Variants in NOS1 observed in about 807,000 individuals in gnomAD.
The protein encoded by NOS1 is NOS type I.
In NOS1, 51 loss-of-function variants were observed where a neutral mutation model predicts 164.5. The ratio of observed to expected loss-of-function variants is 0.31; its 90% CI spans 0.25 to 0.39. NOS1 has a LOEUF of 0.39. Ranked by LOEUF, NOS1 falls within the 10% of genes least tolerant of loss-of-function variation. The pLI is 1.00. For missense variants in NOS1, 1,362 were observed against 1,885.6 expected (o/e 0.72, Z 5.14); for synonymous variants, 719 against 745.8 (o/e 0.96, Z 0.59).
chr12:117,283,056 A>ATATATTTTT (rs1360367568), intron 7 of NOS1, among the ~76,000 whole-genome samples: 1 of 92,954 alleles, frequency 1.1e-5, no homozygotes, highest in African/African-American at 3.6e-5. Context: ...ATATATATAT[A>ATATATTTTT]TTTTTTTTTT....
rs1956581099 is a variant in NOS1, at chr12:117,214,892, A to T, written c.*417T>A. On this transcript the variant is annotated 3_prime_UTR_variant, in exon 29 of 29. Coordinates refer to ENST00000317775, the MANE Select transcript of NOS1 (RefSeq NM_000620.5). ...AGGCACGCACAACCAAAATGTCATC[A>T]TAAAAAAGGAGAAAGGGGGACTTCA... is the stretch of plus-strand genomic sequence containing the variant. 2 of 999,114 alleles carry T rather than the reference A, an allele frequency of 2.0e-6. No individual in the cohort carries two copies. Among genetic ancestry groups the T allele is most frequent in the African/African-American group, 3.5e-5 (2 of 57,692 alleles). 61.9% of individuals were successfully genotyped at this position (999,114 alleles called of 1,614,324 possible).
chr12:117,209,213 A>G lies in NOS1; in HGVS notation c.*6096T>C. The G allele has an allele frequency of 1.0e-6, 1 of 985,362 alleles. No homozygotes were observed. The highest frequency in any genetic ancestry group is 1.2e-6 in the Non-Finnish European group (1 of 829,878). The allele number at this position is 985,362 out of a possible 1,614,324, so 61.0% of individuals were successfully genotyped here. A position where few individuals can be genotyped will look rare whatever the true frequency, so the allele number is the denominator to read the frequency against. ...GATTCTCTTGACCCTGAAGTCCAAG[A>G]GAGGGGTGTTGCCCCCTGGGGACAT... On this transcript the variant is annotated 3_prime_UTR_variant, in exon 29 of 29. Transcript: ENST00000317775.
At chr12:117,281,313 T>C (rs900499264) in intron 7 of NOS1, among the ~76,000 whole-genome samples, 1 of 130,664 alleles carries the variant, frequency 7.7e-6, no homozygotes, top group Non-Finnish European at 1.7e-5. Flanking sequence ...GGAAGTCAGG[T>C]GTTTGAGACC....
In NOS1 at chr12:117,272,391, G is replaced by A. The variant is rs1413071013; in HGVS notation, c.1833C>T (p.Ile611=). ...RDYCDNSRYN[I]LEEVAKKMNL... Reference sequence around the variant, plus strand: ...GACCAGAGAGGGCCCTTACCTCCAGGATATTGTAGCGGGAGTTGTCACAGT... The same window carrying A: ...GACCAGAGAGGGCCCTTACCTCCAGAATATTGTAGCGGGAGTTGTCACAGT... Residue 611 remains isoleucine, a synonymous_variant, in exon 10 of 29, where the codon ATC becomes ATT. Transcript: ENST00000317775. This position sits in a 1 kb window ranked among gnomAD's most constrained non-coding sequence, Gnocchi z 4.3. 6.2e-7 allele frequency: 1 copy of A among 1,614,140 alleles called. No homozygotes were observed. Among genetic ancestry groups the A allele is most frequent in the Non-Finnish European group, 8.5e-7 (1 of 1,180,010 alleles).
intron 10 of NOS1, among the ~76,000 whole-genome samples, chr12:117,271,305 A>C (rs1872771282): frequency 6.8e-6 from 1 of 147,462 alleles, no homozygotes. Context: ...TGAGATGGAG[A>C]CTCGCTCTGT....
intron 9 of NOS1, among the ~76,000 whole-genome samples, chr12:117,276,503 G>C (rs1329498957): frequency 2.0e-5 from 3 of 152,096 alleles, no homozygotes; most frequent in Non-Finnish European, 4.4e-5. Flanking sequence ...GGCTGGCCTT[G>C]AACTCTTGAC....
chr12:117,259,777 C>T (rs994316383), intron 14 of NOS1, among the ~76,000 whole-genome samples: 6 of 152,164 alleles, frequency 3.9e-5, no homozygotes, highest in African/African-American at 1.4e-4. Flanking sequence ...GAGATTAGAA[C>T]ACATGCTTAT....
Position 117,215,156 on chromosome 12 carries a change from A to G in NOS1, c.*153T>C. On this transcript the variant is annotated 3_prime_UTR_variant, in exon 29 of 29. Transcript: ENST00000317775. ...GAGTAAACCCAGGAGGGCCGAGGAA[A>G]CCACTGAGGGGCGAGAAGCCCGAGG... 6.0e-6 allele frequency: 8 copies of G among 1,323,688 alleles called. No homozygotes were observed. In the South Asian group the frequency reaches 2.4e-4, roughly 39 times the overall value. 82.0% of individuals were successfully genotyped at this position (1,323,688 alleles called of 1,614,324 possible). A position where few individuals can be genotyped will look rare whatever the true frequency, so the allele number is the denominator to read the frequency against.
At chr12:117,347,022 C>A (rs1257125631) in intron 1 of NOS1, among the ~76,000 whole-genome samples, 1 of 152,046 alleles carries the variant, frequency 6.6e-6, no homozygotes, top group Non-Finnish European at 1.5e-5. Flanking sequence ...CATGGTGGCT[C>A]ACACCTGTAA....
rs774868068 is a variant in NOS1 at position 117,285,299 on chromosome 12, C to T, written c.1324G>A (p.Gly442Arg). ...TGGTTACAGATGTAGTTGAACATCC[C>T]GTGGGCCGTGGTGCAGTCACGGGCA... ...FDARDCTTAHGMFNYICNHVK... is the reference protein window; with the variant it reads ...FDARDCTTAHRMFNYICNHVK... The change falls in exon 7 of 29, where the codon GGG (glycine) becomes AGG (arginine). Residue 442 changes from glycine (G) to arginine (R), a missense_variant. This residue lies in a region of NOS1 where 129 missense variants were observed against 186.0 expected (regional missense o/e 0.69). Coordinates refer to ENST00000317775, the MANE Select transcript of NOS1 (RefSeq NM_000620.5). The T allele has an allele frequency of 6.2e-6, 10 of 1,610,626 alleles. No homozygotes were observed. The highest frequency in any genetic ancestry group is 1.7e-5 in the Admixed American group (1 of 59,872).
chr12:117,232,841 T>C (rs1163458502), intron 21 of NOS1, among the ~76,000 whole-genome samples: 3 of 152,008 alleles, frequency 2.0e-5, no homozygotes, highest in Non-Finnish European at 4.4e-5. Flanking sequence ...GGAAGTACTG[T>C]CTGGGTTGGA....
chr12:117,232,393 C>T (rs190723293), intron 21 of NOS1, among the ~76,000 whole-genome samples: 2 of 152,258 alleles, frequency 1.3e-5, no homozygotes, highest in African/African-American at 4.8e-5. Context: ...AATAGCATGA[C>T]AGTCCACTGG....
chr12:117,219,866 C>A (rs538983458), intron 27 of NOS1, among the ~76,000 whole-genome samples: 46 of 152,306 alleles, frequency 3.0e-4, no homozygotes, highest in African/African-American at 1.0e-3. Context: ...GTCATATTTG[C>A]TACACCTGCC....
In NOS1 at chr12:117,208,463, A is replaced by T; in HGVS notation, c.*6846T>A. 1 of 1,270,228 alleles carries T rather than the reference A, an allele frequency of 7.9e-7. No individual in the cohort carries two copies. The highest frequency in any genetic ancestry group is 2.4e-5 in the Admixed American group (1 of 42,406). The allele number at this position is 1,270,228 out of a possible 1,614,324, so 78.7% of individuals were successfully genotyped here. On this transcript the variant is annotated 3_prime_UTR_variant, in exon 29 of 29. Transcript: ENST00000317775. ...GTCTGCCCACCTCCCCAGCTTCCCA[A>T]GCCCGGAACGGACACTGCGACGTGG...
intron 11 of NOS1, 23 bp downstream of exon 11, chr12:117,268,019 TG>T: frequency 6.6e-7 from 1 of 1,526,046 alleles, no homozygotes; most frequent in Non-Finnish European, 9.1e-7. Context: ...AGCTTGACCC[TG>T]GTGGTGCGGG....
rs189682482 is a variant in NOS1, at chr12:117,337,204, C to T, written c.-420-5715G>A. The stretch of plus-strand genomic sequence containing the variant: ...GATCTCGGCTCACCGCAAGCTCTGC[C>T]TCCCAGGTTCACGCCATTCTCCTGC... On this transcript the variant is annotated intron_variant, in intron 1 of 28. Coordinates refer to ENST00000317775, the MANE Select transcript of NOS1 (RefSeq NM_000620.5). 9.0e-3 allele frequency among the ~76,000 whole-genome samples: 1,326 copies of T among 147,422 alleles called. 20 individuals carry two copies. The highest frequency in any genetic ancestry group is 0.031 in the African/African-American group (1,254 of 40,028).
Position 117,272,613 on chromosome 12 carries a change from A to G in NOS1, c.1665-54T>C. ...CCGGAGCAGGTGTCTCATGGGCGGG[A>G]CAGCTTGAATCTAGAGATGCTGAAA... On this transcript the variant is annotated intron_variant, in intron 9 of 28. Transcript: ENST00000317775. This position sits in a 1 kb window ranked among gnomAD's most constrained non-coding sequence, Gnocchi z 4.3. 3.9e-6 allele frequency: 6 copies of G among 1,549,174 alleles called. No homozygotes were observed. The highest frequency in any genetic ancestry group is 5.3e-6 in the Non-Finnish European group (6 of 1,135,562).
At chr12:117,282,794 C>T (rs1319513979) in intron 7 of NOS1, among the ~76,000 whole-genome samples, 4 of 152,052 alleles carry the variant, frequency 2.6e-5, no homozygotes, top group East Asian at 1.9e-4. Flanking sequence ...GTTGAACATC[C>T]GATAAAGGGT....
chr12:117,356,810 A>G lies in NOS1; in HGVS notation c.-421+4702T>C, dbSNP rs1296511816. ...CATTTAAAAGATTCGAATGGGCTCA[A>G]TTTTCCAGCATTGCCAGGTGCTGCT... On this transcript the variant is annotated intron_variant, in intron 1 of 28. Transcript: ENST00000317775. The surrounding 1 kb of genome is among the most constrained non-coding windows in gnomAD (Gnocchi z 4.2). Among the ~76,000 whole-genome samples the G allele has an allele frequency of 6.6e-6, 1 of 152,184 alleles. No individual in the cohort carries two copies. The highest frequency in any genetic ancestry group is 2.4e-5 in the African/African-American group (1 of 41,442).
Sources: gnomAD v4.1 joint callset for allele counts (sites outside exome capture counted in the v4.1 genomes callset) on GRCh38, gnomAD v4.1.1 for gene constraint, gnomAD v4.1.1 regional missense constraint, Gnocchi (gnomAD v3.1) non-coding constraint, MANE v1.5 for transcripts, NCBI Gene and HGNC (gene_info 2026-07-23, HGNC 2026-07-21) for gene names.